The following SGK3 variants were observed in gnomAD, a reference collection of about 807,000 sequenced individuals.
SGK3 encodes the protein serine/threonine-protein kinase Sgk3.
In SGK3, 47 loss-of-function variants were observed where a neutral mutation model predicts 68.5. The ratio of observed to expected loss-of-function variants is 0.69; its 90% CI spans 0.54 to 0.87. SGK3 has a LOEUF of 0.87. Among genes scored for constraint, SGK3 ranks in the 40% least tolerant of loss-of-function variants. SGK3 has a pLI of 0.00. For missense variants in SGK3, 479 were observed against 575.5 expected (o/e 0.83, Z 1.72); for synonymous variants, 181 against 189.1 (o/e 0.96, Z 0.35).
In SGK3 at chr8:66,786,061, C is replaced by T. The variant is rs944826096; in HGVS notation, c.-121-7555C>T. On this transcript the variant is annotated intron_variant, in intron 1 of 16. Transcript: ENST00000521198. ...TAGTTGTGGGTTTTTATGTCAATCC[C>T]CTTCTTACTCTGTTTTATTTAGCTG... 8.5e-5 allele frequency among the ~76,000 whole-genome samples: 13 copies of T among 152,122 alleles called. No individual in the cohort carries two copies. In the East Asian group the frequency reaches 2.5e-3, roughly 29 times the overall value.
At chr8:66,717,792 C>T (rs937966137) in intron 1 of SGK3, among the ~76,000 whole-genome samples, 3 of 152,110 alleles carry the variant, frequency 2.0e-5, no homozygotes, top group Non-Finnish European at 4.4e-5. Flanking sequence ...CAACTTCCAC[C>T]TCCCAGGTTC....
chr8:66,827,907 A>C (rs529570178), intron 6 of SGK3, among the ~76,000 whole-genome samples: 2 of 152,242 alleles, frequency 1.3e-5, no homozygotes, highest in South Asian at 4.1e-4. Context: ...GCAGATCACG[A>C]AGTCAGGAGA....
intron 1 of SGK3, among the ~76,000 whole-genome samples, chr8:66,766,946 G>A (rs981067989): frequency 4.1e-4 from 62 of 152,200 alleles, no homozygotes; most frequent in African/African-American, 1.4e-3. Context: ...CTGCCTCCCG[G>A]GTTCAAGCAA....
chr8:66,779,010 TTC>T (rs1265639176), intron 1 of SGK3, among the ~76,000 whole-genome samples: 3 of 152,222 alleles, frequency 2.0e-5, no homozygotes, highest in African/African-American at 4.8e-5. Context: ...GGACTGAAGA[TTC>T]TCTTTCTCTC....
At chr8:66,827,604 A>T in intron 6 of SGK3, among the ~76,000 whole-genome samples, 1 of 152,164 alleles carries the variant, frequency 6.6e-6, no homozygotes, top group Non-Finnish European at 1.5e-5. Flanking sequence ...CGTGGCTTTT[A>T]TAAAAAATGA....
At chr8:66,758,108 CTT>C (rs200679610) in intron 1 of SGK3, among the ~76,000 whole-genome samples, 5,031 of 151,690 alleles carry the variant, frequency 0.033, 289 homozygotes, top group African/African-American at 0.11. Context: ...AATCCCAGCA[CTT>C]TGGGAGGCCA....
intron 16 of SGK3, among the ~76,000 whole-genome samples, chr8:66,857,680 G>A (rs570643589): frequency 6.6e-6 from 1 of 152,170 alleles, no homozygotes; most frequent in Non-Finnish European, 1.5e-5. Context: ...ACTTGGAGAA[G>A]GCTAAGGCAG....
At chr8:66,837,767 G>C (rs760956774) in intron 10 of SGK3, among the ~76,000 whole-genome samples, 2 of 152,074 alleles carry the variant, frequency 1.3e-5, no homozygotes, top group Non-Finnish European at 2.9e-5. Context: ...CTGGGTGACA[G>C]AACAAGACCC....
intron 5 of SGK3, among the ~76,000 whole-genome samples, chr8:66,816,356 T>TTTGTG (rs1157857677): frequency 6.7e-6 from 1 of 148,156 alleles, no homozygotes; most frequent in African/African-American, 2.5e-5. Flanking sequence ...TTTTTTTTTT[T>TTTGTG]TGTGTGTGAG....
intron 15 of SGK3, among the ~76,000 whole-genome samples, chr8:66,847,926 T>G (rs1360483706): frequency 6.6e-6 from 1 of 151,428 alleles, no homozygotes; most frequent in Admixed American, 6.6e-5. Flanking sequence ...TTAGGGAATC[T>G]GCATGTTTGT....
chr8:66,774,139 A>G (rs1460829843), intron 1 of SGK3, among the ~76,000 whole-genome samples: 2 of 152,212 alleles, frequency 1.3e-5, no homozygotes, highest in Non-Finnish European at 2.9e-5. Context: ...CCATGAGGTC[A>G]CCAGGCTAAA....
chr8:66,837,078 T>G (rs1809567684), intron 10 of SGK3, among the ~76,000 whole-genome samples: 1 of 152,160 alleles, frequency 6.6e-6, no homozygotes, highest in South Asian at 2.1e-4. Context: ...TAATTTTACC[T>G]TCACAACAAT....
At chr8:66,781,327 C>T (rs981337685) in intron 1 of SGK3, among the ~76,000 whole-genome samples, 4 of 152,120 alleles carry the variant, frequency 2.6e-5, no homozygotes, top group African/African-American at 7.2e-5. Flanking sequence ...TAGGGCCTTC[C>T]TCCTTATCCT....
intron 1 of SGK3, among the ~76,000 whole-genome samples, chr8:66,770,409 C>T (rs966102576): frequency 1.3e-5 from 2 of 152,030 alleles, no homozygotes; most frequent in Admixed American, 6.5e-5. Context: ...ACAATTATGC[C>T]TGGATTTTGA....
chr8:66,716,478 A>G (rs1337567331), intron 1 of SGK3, among the ~76,000 whole-genome samples: 3 of 147,512 alleles, frequency 2.0e-5, no homozygotes, highest in African/African-American at 5.0e-5. Context: ...GAAATTGGAC[A>G]AAGTCCTGAA....
intron 1 of SGK3, among the ~76,000 whole-genome samples, chr8:66,749,903 A>G (rs991108415): frequency 1.3e-4 from 19 of 151,550 alleles, no homozygotes; most frequent in African/African-American, 1.7e-4. Flanking sequence ...GCAACTGAGT[A>G]TCAGCCTCTG....
chr8:66,748,561 A>G (rs972033063), intron 1 of SGK3, among the ~76,000 whole-genome samples: 2 of 152,140 alleles, frequency 1.3e-5, no homozygotes, highest in Non-Finnish European at 2.9e-5. Flanking sequence ...TGTTACCGAC[A>G]TCACCAGCAT....
chr8:66,770,894 T>G (rs1409584917), intron 1 of SGK3, among the ~76,000 whole-genome samples: 1 of 152,232 alleles, frequency 6.6e-6, no homozygotes, highest in Non-Finnish European at 1.5e-5. Context: ...TGCTGGGCTC[T>G]CCTTCATTCC....
At chr8:66,752,654 G>A (rs1805852940) in intron 1 of SGK3, among the ~76,000 whole-genome samples, 2 of 152,030 alleles carry the variant, frequency 1.3e-5, no homozygotes, top group African/African-American at 4.8e-5. Flanking sequence ...GGTTTTTAGA[G>A]AAATGCAAGC....
Sources: gnomAD v4.1 joint callset for allele counts (sites outside exome capture counted in the v4.1 genomes callset) on GRCh38, gnomAD v4.1.1 for gene constraint, MANE v1.5 for transcripts, NCBI Gene and HGNC (gene_info 2026-07-23, HGNC 2026-07-21) for gene names.